The following ZNF804A variants were observed in gnomAD, a reference collection of about 807,000 sequenced individuals.
ZNF804A encodes zinc finger protein 804A.
Under a neutral mutation model 16.5 loss-of-function variants are expected in ZNF804A, and 2 were observed. The observed-to-expected ratio is 0.12, with a 90% CI of 0.05 to 0.38. ZNF804A has a LOEUF of 0.38. Ranked by LOEUF, ZNF804A falls within the 10% of genes least tolerant of loss-of-function variation. The pLI is 0.99. For missense variants in ZNF804A, 1,473 were observed against 1,390.7 expected, an observed-to-expected ratio of 1.06 and a Z score of -0.94; for synonymous variants, 534 against 489.6, an observed-to-expected ratio of 1.09 and a Z score of -1.20.
chr2:184,876,415 A>C (rs891054881), intron 2 of ZNF804A, among the ~76,000 whole-genome samples: 5 of 152,116 alleles, frequency 3.3e-5, no homozygotes, highest in Non-Finnish European at 5.9e-5. Context: ...TGTGTACTTC[A>C]ATCTAATTGA....
chr2:184,695,267 C>T (rs1692812227), intron 1 of ZNF804A, among the ~76,000 whole-genome samples: 1 of 151,866 alleles, frequency 6.6e-6, no homozygotes, highest in Non-Finnish European at 1.5e-5. Context: ...CGAGACCATC[C>T]TGGCTAATAC....
chr2:184,906,990 A>G (rs1685284258), intron 2 of ZNF804A, among the ~76,000 whole-genome samples: 1 of 152,194 alleles, frequency 6.6e-6, no homozygotes, highest in Non-Finnish European at 1.5e-5. Context: ...CTGACAGCCA[A>G]CAAGAAAACA....
chr2:184,904,388 A>G (rs1305157653), intron 2 of ZNF804A, among the ~76,000 whole-genome samples: 2 of 152,108 alleles, frequency 1.3e-5, no homozygotes, highest in Non-Finnish European at 2.9e-5. Context: ...TTAGTCCCAT[A>G]CTGTCAACCA....
At chr2:184,708,467 A>C (rs953591255) in intron 1 of ZNF804A, among the ~76,000 whole-genome samples, 1 of 152,150 alleles carries the variant, frequency 6.6e-6, no homozygotes, top group African/African-American at 2.4e-5. Flanking sequence ...TCTATGGAAC[A>C]GAATAGGGAG....
At chr2:184,796,967 T>A (rs1694638659) in intron 1 of ZNF804A, among the ~76,000 whole-genome samples, 5 of 152,204 alleles carry the variant, frequency 3.3e-5, no homozygotes, top group Admixed American at 2.6e-4. Context: ...GATTTCCAGC[T>A]TTATTCCACT....
intron 1 of ZNF804A, among the ~76,000 whole-genome samples, chr2:184,691,652 T>G (rs1692731191): frequency 6.6e-6 from 1 of 151,820 alleles, no homozygotes; most frequent in South Asian, 2.1e-4. Context: ...AAACTTTCAT[T>G]TTTAACCTGA....
intron 1 of ZNF804A, among the ~76,000 whole-genome samples, chr2:184,691,842 G>A (rs898162327): frequency 6.6e-6 from 1 of 151,808 alleles, no homozygotes; most frequent in Non-Finnish European, 1.5e-5. Flanking sequence ...GTAAGTGAGA[G>A]CACAGTGATC....
intron 1 of ZNF804A, among the ~76,000 whole-genome samples, chr2:184,698,076 G>T (rs1164585589): frequency 6.6e-6 from 1 of 151,980 alleles, no homozygotes; most frequent in African/African-American, 2.4e-5. Context: ...AGTCTATTCA[G>T]TCTTTATGTG....
chr2:184,648,852 C>A (rs1691928636), intron 1 of ZNF804A, among the ~76,000 whole-genome samples: 1 of 152,058 alleles, frequency 6.6e-6, no homozygotes, highest in Non-Finnish European at 1.5e-5. Context: ...AATTTTAGCA[C>A]CCAGTGTCAG....
At chr2:184,911,384 C>T (rs1574267487) in intron 2 of ZNF804A, among the ~76,000 whole-genome samples, 1 of 151,870 alleles carries the variant, frequency 6.6e-6, no homozygotes, top group African/African-American at 2.4e-5. Context: ...CTTACAGTAT[C>T]GTTTGAAGTC....
intron 2 of ZNF804A, among the ~76,000 whole-genome samples, chr2:184,883,959 C>A (rs750365565): frequency 2.0e-4 from 30 of 152,108 alleles, no homozygotes; most frequent in Admixed American, 7.2e-4. Flanking sequence ...CTAGCCAGAG[C>A]ATTCAGGCCA....
chr2:184,821,489 A>C (rs1695082032), intron 1 of ZNF804A, among the ~76,000 whole-genome samples: 1 of 152,160 alleles, frequency 6.6e-6, no homozygotes, highest in Admixed American at 6.6e-5. Flanking sequence ...AATGCCATTC[A>C]GGATGTAGGC....
At chr2:184,682,207 G>C (rs1382610991) in intron 1 of ZNF804A, among the ~76,000 whole-genome samples, 1 of 152,188 alleles carries the variant, frequency 6.6e-6, no homozygotes, top group African/African-American at 2.4e-5. Flanking sequence ...GGCCCTGCCA[G>C]GCAAAGTGGG....
At position 184,684,684 on chromosome 2, in the gene ZNF804A, C is replaced by T. The variant is rs190099463; in HGVS notation, c.111+85614C>T. Reference sequence around the variant, plus strand: ...TGGATCCCATCACCCAGTTAGTGAGCACAGTACCCAATAGGTAGATTTCCC... The same window carrying T: ...TGGATCCCATCACCCAGTTAGTGAGTACAGTACCCAATAGGTAGATTTCCC... On this transcript the variant is annotated intron_variant, in intron 1 of 3. Transcript: ENST00000302277. Among the ~76,000 whole-genome samples the T allele has an allele frequency of 2.0e-3, 304 of 152,236 alleles. 1 individual carries two copies. The highest frequency in any genetic ancestry group is 7.0e-3 in the African/African-American group (292 of 41,560).
In ZNF804A at chr2:184,876,023, C is replaced by G. The variant is rs189556336; in HGVS notation, c.255+9511C>G. Among the ~76,000 whole-genome samples the G allele has an allele frequency of 6.0e-3, 916 of 152,282 alleles. 9 individuals are homozygous for G. In the Middle Eastern group the frequency reaches 0.061, roughly 10 times the overall value. ...TTTTGCTTTAGTGGTTTCAATGTAACTGAAATACCTCCCAACAGGCACTGA... is the reference window on the plus strand; with the variant it reads ...TTTTGCTTTAGTGGTTTCAATGTAAGTGAAATACCTCCCAACAGGCACTGA... On this transcript the variant is annotated intron_variant, in intron 2 of 3. Coordinates refer to ENST00000302277, the MANE Select transcript of ZNF804A (RefSeq NM_194250.2).
chr2:184,850,770 T>G (rs1209148718), intron 1 of ZNF804A, among the ~76,000 whole-genome samples: 1 of 151,814 alleles, frequency 6.6e-6, no homozygotes, highest in African/African-American at 2.4e-5. Flanking sequence ...ATGTTATTTT[T>G]CAACATTTAA....
At chr2:184,935,679 A>C in intron 3 of ZNF804A, 104 bp from the exon 4 acceptor site, 2 of 1,348,760 alleles carry the variant, frequency 1.5e-6, no homozygotes, top group Non-Finnish European at 2.0e-6. Context: ...AAGATTTTAA[A>C]ATTTGAAAAA....
At position 184,935,927 on chromosome 2, in the gene ZNF804A, T is replaced by C; in HGVS notation, c.531T>C (p.Thr177=). Residue 177 remains threonine, a synonymous_variant, in exon 4 of 4, where the codon ACT becomes ACC. Transcript: ENST00000302277. ...KYTLIHSEEN[T]KDATTVAEDP... is the part of the protein sequence containing the mutation. Reference sequence around the variant, plus strand: ...CTTTGATTCATAGTGAAGAGAATACTAAAGATGCTACCACTGTTGCTGAAG... The same window carrying C: ...CTTTGATTCATAGTGAAGAGAATACCAAAGATGCTACCACTGTTGCTGAAG... 6.2e-7 allele frequency: 1 copy of C among 1,613,974 alleles called. No individual in the cohort carries two copies. Among genetic ancestry groups the C allele is most frequent in the Non-Finnish European group, 8.5e-7 (1 of 1,179,924 alleles).
intron 2 of ZNF804A, among the ~76,000 whole-genome samples, chr2:184,907,515 G>A (rs950059731): frequency 1.3e-5 from 2 of 152,020 alleles, no homozygotes; most frequent in African/African-American, 4.8e-5. Flanking sequence ...TTATTGCTGA[G>A]AGCATTCCTT....
Sources: gnomAD v4.1 joint callset for allele counts (sites outside exome capture counted in the v4.1 genomes callset) on GRCh38, gnomAD v4.1.1 for gene constraint, MANE v1.5 for transcripts, NCBI Gene and HGNC (gene_info 2026-07-23, HGNC 2026-07-21) for gene names.